Variants in SPO11 observed in about 807,000 individuals in gnomAD.
SPO11 encodes the protein SPO11 initiator of meiotic double strand breaks, also known as meiotic recombination protein SPO11.
Under a neutral mutation model 51.6 loss-of-function variants are expected in SPO11, and 49 were observed. The observed-to-expected ratio is 0.95, with a 90% CI of 0.75 to 1.20. The LOEUF is 1.20. Ranked by LOEUF, SPO11 falls within the 50% of genes most tolerant of loss-of-function variation. The pLI, the probability that SPO11 is intolerant of heterozygous loss-of-function variation, is 0.00. For synonymous variants in SPO11, 176 were observed against 158.2 expected, an observed-to-expected ratio of 1.11 and a Z score of -0.84; for missense variants, 431 against 473.4, an observed-to-expected ratio of 0.91 and a Z score of 0.83.
chr20:57,336,987 A>T (rs1266296281), intron 8 of SPO11, among the ~76,000 whole-genome samples: 1 of 152,186 alleles, frequency 6.6e-6, no homozygotes, highest in Non-Finnish European at 1.5e-5. Context: ...ACTGGATTTG[A>T]ATAGTTGAAA....
rs1295716092 is a variant in SPO11 at position 57,340,294 on chromosome 20, C to G, written c.959+116C>G. On this transcript the variant is annotated intron_variant, in intron 11 of 12. Transcript: ENST00000371263. The stretch of plus-strand genomic sequence containing the variant: ...TCTTAATGTTTTTTATTTATATTGT[C>G]CACGATGACTTATGATTATGTAATT... 5 of 611,298 alleles carry G rather than the reference C, an allele frequency of 8.2e-6. No homozygotes were observed. The African/African-American group carries it at 9.3e-5, about 11-fold the overall frequency. 37.9% of individuals were successfully genotyped at this position (611,298 alleles called of 1,614,324 possible).
intron 9 of SPO11, among the ~76,000 whole-genome samples, chr20:57,338,607 C>A (rs1295398627): frequency 6.6e-6 from 1 of 151,894 alleles, no homozygotes; most frequent in Non-Finnish European, 1.5e-5. Flanking sequence ...CCATGCCTGG[C>A]TAATTTTTTA....
rs1451894300 is a variant in SPO11 at position 57,342,795 on chromosome 20, C to A, written c.1026C>A (p.Ile342=). ...TKRDQMKLDS[I]LRRPYVTCQP... Reference sequence around the variant, plus strand: ...GGGACCAAATGAAACTTGACAGTATCCTGAGGAGACCTTATGTTACCTGCC... The same window carrying A: ...GGGACCAAATGAAACTTGACAGTATACTGAGGAGACCTTATGTTACCTGCC... The change falls in exon 12 of 13, where the codon ATC becomes ATA. Residue 342 remains isoleucine (I), a synonymous_variant. Coordinates refer to ENST00000371263, the MANE Select transcript of SPO11 (RefSeq NM_012444.3). 1 of 1,613,442 alleles carries A rather than the reference C, an allele frequency of 6.2e-7. No individual in the cohort carries two copies. The highest frequency in any genetic ancestry group is 8.5e-7 in the Non-Finnish European group (1 of 1,179,632).
In SPO11 at chr20:57,335,921, CT is replaced by C; in HGVS notation, c.744+17del. On this transcript the variant is annotated intron_variant, in intron 8 of 12. Coordinates refer to ENST00000371263, the MANE Select transcript of SPO11 (RefSeq NM_012444.3). ...ATCATGATTACGGTATATTATCTAA[CT>C]TTACTACAATTCCAAGACTAATGTA... The C allele has an allele frequency of 6.9e-7, 1 of 1,454,590 alleles. No individual in the cohort carries two copies. The highest frequency in any genetic ancestry group is 9.6e-7 in the Non-Finnish European group (1 of 1,037,014). The allele number at this position is 1,454,590 out of a possible 1,614,324, so 90.1% of individuals were successfully genotyped here.
At chr20:57,335,715 G>T (rs780111212) in intron 7 of SPO11, 83 bp from the exon 8 acceptor site, 16 of 849,580 alleles carry the variant, frequency 1.9e-5, no homozygotes, top group Non-Finnish European at 3.0e-5. Context: ...AGCTGCTTTT[G>T]AATTATCTAT....
intron 8 of SPO11, chr20:57,337,886 C>A: frequency 1.8e-6 from 1 of 563,680 alleles, no homozygotes; most frequent in Non-Finnish European, 2.7e-6. Flanking sequence ...TTTATTATTA[C>A]TATTATTATT....
rs1485794636 is a variant in SPO11, at chr20:57,340,171, C to A, written c.952C>A (p.Leu318Ile). Residue 318 changes from leucine (L) to isoleucine (I), a missense_variant, in exon 11 of 13, where the codon CTT (leucine) becomes ATT (isoleucine). By Grantham distance (5) the Leu-to-Ile change is conservative. Transcript: ENST00000371263. The part of the protein sequence containing the change: ...IRWLGLLPSD[L>I]KRLNVPKDSL... ...ATGGCTTGGTCTTCTCCCTTCTGAT[C>A]TTAAAAGGTTAGATAGTATAGCAGA... 2.5e-6 allele frequency: 4 copies of A among 1,600,724 alleles called. No individual in the cohort carries two copies. Among genetic ancestry groups the A allele is most frequent in the Non-Finnish European group, 3.4e-6 (4 of 1,168,004 alleles).
At chr20:57,336,312 C>CA (rs1221343993) in intron 8 of SPO11, among the ~76,000 whole-genome samples, 2 of 152,180 alleles carry the variant, frequency 1.3e-5, no homozygotes, top group Non-Finnish European at 1.5e-5. Context: ...ACTTACTCCT[C>CA]ACATCCCATG....
chr20:57,338,440 C>A, intron 9 of SPO11, 65 bp downstream of exon 9: 6 of 1,188,398 alleles, frequency 5.0e-6, no homozygotes, highest in African/African-American at 3.2e-5. Context: ...GTTGTGTTTT[C>A]TTCCTCTTTT....
At position 57,333,296 on chromosome 20, in the gene SPO11, C is replaced by G. The variant is rs763545083; in HGVS notation, c.334+20C>G. The stretch of plus-strand genomic sequence containing the variant: ...AATTTTGTAAGTTAATTGTTCTTAG[C>G]TTTTGGTAATAAAGGATAAATAAAT... On this transcript the variant is annotated intron_variant, in intron 3 of 12. Coordinates refer to ENST00000371263, the MANE Select transcript of SPO11 (RefSeq NM_012444.3). 1 of 1,543,400 alleles carries G rather than the reference C, an allele frequency of 6.5e-7. No individual in the cohort carries two copies. Among genetic ancestry groups the G allele is most frequent in the Non-Finnish European group, 8.8e-7 (1 of 1,135,712 alleles).
At chr20:57,340,239 T>C (rs2066564782) in intron 11 of SPO11, 61 bp downstream of exon 11, 1 of 1,152,780 alleles carries the variant, frequency 8.7e-7, no homozygotes, top group Non-Finnish European at 1.3e-6. Context: ...TATGTAACAA[T>C]AAGCCTAAAA....
chr20:57,334,178 G>A (rs1204208663), intron 5 of SPO11, 83 bp downstream of exon 5: 14 of 514,076 alleles, frequency 2.7e-5, no homozygotes, highest in South Asian at 2.3e-4. Flanking sequence ...TTTTTGAGAC[G>A]GAGTCTTGCT....
intron 5 of SPO11, 38 bp from the exon 6 acceptor site, chr20:57,334,712 G>T (rs770891797): frequency 1.3e-6 from 2 of 1,533,962 alleles, no homozygotes; most frequent in South Asian, 2.3e-5. Context: ...AAACATATTC[G>T]TGAAGCAGGT....
At chr20:57,339,971 G>A in intron 10 of SPO11, 131 bp from the exon 11 acceptor site, 1 of 649,352 alleles carries the variant, frequency 1.5e-6, no homozygotes, top group Admixed American at 2.4e-5. Flanking sequence ...TCTTACTTCT[G>A]TGGGCTCTGG....
At chr20:57,334,545 A>G (rs1050567712) in intron 5 of SPO11, among the ~76,000 whole-genome samples, 4 of 152,220 alleles carry the variant, frequency 2.6e-5, no homozygotes, top group African/African-American at 4.8e-5. Context: ...TAGATTCTCA[A>G]TATATTCCTT....
Position 57,329,934 on chromosome 20 carries a change from C to T in SPO11, c.67C>T (p.Leu23=), listed in dbSNP as rs752269876. 8 of 1,613,682 alleles carry T rather than the reference C, an allele frequency of 5.0e-6. No individual in the cohort carries two copies. The highest frequency in any genetic ancestry group is 6.8e-6 in the Non-Finnish European group (8 of 1,179,916). ...CGTTTTGGACCGACACAGGGAGTCC[C>T]TGCTGGCTGCCCTGAGGAGAGGTGG... is the stretch of plus-strand genomic sequence containing the variant. The part of the protein sequence containing the change: ...FDVLDRHRES[L]LAALRRGGRE... Residue 23 remains leucine (L), a synonymous_variant, in exon 1 of 13, where the codon CTG becomes TTG. Transcript: ENST00000371263.
chr20:57,335,543 T>C, intron 7 of SPO11, 88 bp downstream of exon 7: 2 of 1,364,802 alleles, frequency 1.5e-6, no homozygotes, highest in Non-Finnish European at 2.0e-6. Context: ...TCATAATGTG[T>C]AAGGAACAAG....
At position 57,339,019 on chromosome 20, in the gene SPO11, G is replaced by C. The variant is rs767577963; in HGVS notation, c.875G>C (p.Gly292Ala). 1.4e-6 allele frequency: 2 copies of C among 1,477,158 alleles called. No homozygotes were observed. Among genetic ancestry groups the C allele is most frequent in the Non-Finnish European group, 1.8e-6 (2 of 1,086,772 alleles). 91.5% of individuals were successfully genotyped at this position (1,477,158 alleles called of 1,614,324 possible). A position where few individuals can be genotyped will look rare whatever the true frequency, so the allele number is the denominator to read the frequency against. The change falls in exon 10 of 13, where the codon GGA (glycine) becomes GCA (alanine). Residue 292 changes from glycine (G) to alanine (A), a missense_variant. Physicochemically the swap from Gly to Ala is moderately conservative, Grantham distance 60 (BLOSUM62 0). Transcript: ENST00000371263. ...GIEIMCIYKY[G>A]SMSMSFEAHH... is the part of the protein sequence containing the mutation. ...GAAATAATGTGCATCTATAAGTATG[G>C]ATCTATGGTAAGTATAGAAAAGCAG...
At chr20:57,332,065 G>A in intron 2 of SPO11, 119 bp downstream of exon 2, 1 of 565,606 alleles carries the variant, frequency 1.8e-6, no homozygotes, top group Non-Finnish European at 2.9e-6. Context: ...CCAAAAAAAA[G>A]GATTTAGGAA....
Sources: gnomAD v4.1 joint callset for allele counts (sites outside exome capture counted in the v4.1 genomes callset) on GRCh38, gnomAD v4.1.1 for gene constraint, MANE v1.5 for transcripts, NCBI Gene and HGNC (gene_info 2026-07-23, HGNC 2026-07-21) for gene names.